The following SORT1 variants were observed in gnomAD, a reference collection of about 807,000 sequenced individuals.
SORT1 encodes the protein sortilin.
A neutral mutation model predicts 101.7 loss-of-function variants in SORT1; 39 were observed. The observed-to-expected ratio is 0.38, with a 90% CI of 0.30 to 0.50. SORT1 has a LOEUF of 0.50. Among genes scored for constraint, SORT1 ranks in the 20% least tolerant of loss-of-function variants. The pLI, the probability that SORT1 is intolerant of heterozygous loss-of-function variation, is 0.90. For missense variants in SORT1, 878 were observed against 1,040.4 expected (o/e 0.84, Z 2.15); for synonymous variants, 396 against 393.7 (o/e 1.01, Z -0.07).
chr1:109,348,707 G>A (rs1467488077), intron 6 of SORT1, among the ~76,000 whole-genome samples: 1 of 152,016 alleles, frequency 6.6e-6, no homozygotes, highest in African/African-American at 2.4e-5. Flanking sequence ...TGCCCAGGCT[G>A]GTCTTGAATT....
rs1255338480 is a variant in SORT1, at chr1:109,309,866, T to C, written c.*4177A>G. ...ATGATCTTAATACTGCTTTACACTTTCGTGGGAAGGCAGCTGTCCCACAGC... is the reference window on the plus strand; with the variant it reads ...ATGATCTTAATACTGCTTTACACTTCCGTGGGAAGGCAGCTGTCCCACAGC... On this transcript the variant is annotated 3_prime_UTR_variant, in exon 20 of 20. Coordinates refer to ENST00000256637, the MANE Select transcript of SORT1 (RefSeq NM_002959.7). 1.3e-5 allele frequency: 2 copies of C among 152,640 alleles called. No individual in the cohort carries two copies. The highest frequency in any genetic ancestry group is 4.8e-5 in the African/African-American group (2 of 41,458). 9.5% of individuals were successfully genotyped at this position (152,640 alleles called of 1,614,324 possible).
rs1156974563 is a variant in SORT1 at position 109,310,574 on chromosome 1, A to G, written c.*3469T>C. On this transcript the variant is annotated 3_prime_UTR_variant, in exon 20 of 20. Coordinates refer to ENST00000256637, the MANE Select transcript of SORT1 (RefSeq NM_002959.7). ...TTCAGGGAAGATGGTAGCAAAGTTG[A>G]AAGCCGAATCCCTTCCTATTTTAGC... The G allele has an allele frequency of 6.5e-6, 1 of 153,810 alleles. No individual in the cohort carries two copies. The highest frequency in any genetic ancestry group is 2.4e-5 in the African/African-American group (1 of 41,462). The allele number at this position is 153,810 out of a possible 1,614,324, so 9.5% of individuals were successfully genotyped here. A position where few individuals can be genotyped will look rare whatever the true frequency, so the allele number is the denominator to read the frequency against.
chr1:109,382,324 T>C (rs1002471559), intron 1 of SORT1, among the ~76,000 whole-genome samples: 4 of 152,046 alleles, frequency 2.6e-5, no homozygotes, highest in African/African-American at 7.2e-5. Context: ...TTAGTAGAGA[T>C]GGGGTTTTAC....
rs761923944 is a variant in SORT1 at position 109,397,876 on chromosome 1, C to G, written c.17G>C (p.Gly6Ala). Residue 6 changes from glycine (G) to alanine (A), a missense_variant, in exon 1 of 20, where the codon GGA becomes GCA. Around this residue, in one of 2 missense-constraint regions of SORT1, gnomAD observed 194 missense variants for 145.9 expected, o/e 1.33. Coordinates refer to ENST00000256637, the MANE Select transcript of SORT1 (RefSeq NM_002959.7). ...CCAGCGCGAGAGGCCGTCCGCAGCT[C>G]CCCAGGGCCGCTCCATCGCCGCCGA... Reference protein sequence around the residue: MERPWGAADGLSRWPH... With the variant: MERPWAAADGLSRWPH... 2.5e-6 allele frequency: 3 copies of G among 1,209,300 alleles called. No individual in the cohort carries two copies. The allele number at this position is 1,209,300 out of a possible 1,614,324, so 74.9% of individuals were successfully genotyped here.
chr1:109,339,787 T>C (rs569101625), intron 10 of SORT1, among the ~76,000 whole-genome samples: 4 of 152,294 alleles, frequency 2.6e-5, no homozygotes, highest in African/African-American at 7.2e-5. Context: ...TGTATAACAA[T>C]GTTCATGGCA....
chr1:109,342,089 C>T lies in SORT1; in HGVS notation c.1033G>A (p.Val345Met), dbSNP rs200451087. ...DTWSMAQLPS[V>M]GQEQFYSILA... is the part of the protein sequence containing the mutation. ...ATAGAATAGAACTGTTCCTGTCCCA[C>T]GGAGGGGAGCTGGGCCATGCTCCAT... The change falls in exon 9 of 20, where the codon GTG becomes ATG. Residue 345 changes from valine (V) to methionine (M), a missense_variant. Transcript: ENST00000256637. The T allele has an allele frequency of 4.3e-6, 7 of 1,613,276 alleles. No individual in the cohort carries two copies. Among genetic ancestry groups the T allele is most frequent in the Admixed American group, 1.7e-5 (1 of 60,024 alleles).
At chr1:109,393,218 G>A (rs1653016163) in intron 1 of SORT1, 7 of 985,254 alleles carry the variant, frequency 7.1e-6, no homozygotes, top group Non-Finnish European at 8.4e-6. Context: ...CCTCTCTACA[G>A]GGCCTGTTTA....
intron 1 of SORT1, chr1:109,397,299 T>A (rs1653238009): frequency 6.5e-6 from 1 of 153,600 alleles, no homozygotes; most frequent in Non-Finnish European, 1.4e-5. Flanking sequence ...GGGTCCTGAT[T>A]ATTTATACAG....
At chr1:109,332,697 T>C (rs1648542820) in intron 11 of SORT1, among the ~76,000 whole-genome samples, 1 of 152,230 alleles carries the variant, frequency 6.6e-6, no homozygotes, top group African/African-American at 2.4e-5. Flanking sequence ...GGTATCATGC[T>C]ACCTAATTTC....
At chr1:109,346,550 C>T (rs1035586051) in intron 7 of SORT1, among the ~76,000 whole-genome samples, 2 of 151,444 alleles carry the variant, frequency 1.3e-5, no homozygotes, top group Admixed American at 1.3e-4. Context: ...TCAAGACCAC[C>T]CTGGCTAACA....
At chr1:109,393,710 T>G (rs1653037614) in intron 1 of SORT1, among the ~76,000 whole-genome samples, 2 of 152,338 alleles carry the variant, frequency 1.3e-5, no homozygotes, top group Middle Eastern at 3.4e-3. Flanking sequence ...CATTTATAAA[T>G]GATAGCTAAT....
intron 18 of SORT1, 60 bp from the exon 19 acceptor site, chr1:109,314,444 G>A (rs995268726): frequency 1.9e-6 from 3 of 1,582,004 alleles, no homozygotes; most frequent in Non-Finnish European, 2.6e-6. Context: ...CTTCTTACAG[G>A]ACTGTGGACT....
At chr1:109,396,317 T>G (rs1653173206) in intron 1 of SORT1, among the ~76,000 whole-genome samples, 1 of 151,880 alleles carries the variant, frequency 6.6e-6, no homozygotes, top group Non-Finnish European at 1.5e-5. Flanking sequence ...AGGAAGGAAG[T>G]GGTCCAGTAT....
chr1:109,338,694 CT>C (rs376423530), intron 10 of SORT1, among the ~76,000 whole-genome samples: 1 of 152,148 alleles, frequency 6.6e-6, no homozygotes, highest in African/African-American at 2.4e-5. Context: ...TTCAAAACAT[CT>C]TTTTTTCTAC....
intron 10 of SORT1, among the ~76,000 whole-genome samples, chr1:109,340,122 C>A (rs1463672323): frequency 7.7e-6 from 1 of 129,560 alleles, no homozygotes; most frequent in Admixed American, 9.8e-5. Flanking sequence ...GCACTCCAGT[C>A]TGGGCAACAG....
chr1:109,386,868 CAGTT>C (rs1430935324), intron 1 of SORT1, among the ~76,000 whole-genome samples: 1 of 152,088 alleles, frequency 6.6e-6, no homozygotes, highest in Admixed American at 6.5e-5. Flanking sequence ...AGCAGCTGCT[CAGTT>C]AAAGAAAGGG....
At chr1:109,362,723 T>C (rs929647589) in intron 3 of SORT1, among the ~76,000 whole-genome samples, 8 of 152,086 alleles carry the variant, frequency 5.3e-5, no homozygotes, top group East Asian at 3.8e-4. Flanking sequence ...CTTACTCTGA[T>C]TGACAACTTT....
At chr1:109,364,301 G>C (rs571944607) in intron 3 of SORT1, among the ~76,000 whole-genome samples, 1 of 152,278 alleles carries the variant, frequency 6.6e-6, no homozygotes, top group Admixed American at 6.5e-5. Flanking sequence ...GGTTTTGATT[G>C]TCTTAAGTTG....
rs776130114 is a variant in SORT1 at position 109,318,005 on chromosome 1, A to G, written c.2025-36T>C. ...CAGCAAATAAAGTACCTTTCAAAGC[A>G]GCTGGAAGACCGTTAAGTGACTAGC... is the stretch of plus-strand genomic sequence containing the variant. On this transcript the variant is annotated intron_variant, in intron 15 of 19. Coordinates refer to ENST00000256637, the MANE Select transcript of SORT1 (RefSeq NM_002959.7). 5.2e-6 allele frequency: 7 copies of G among 1,350,858 alleles called. No individual in the cohort carries two copies. The Admixed American group carries it at 1.2e-4, about 23-fold the overall frequency. 83.7% of individuals were successfully genotyped at this position (1,350,858 alleles called of 1,614,324 possible).
Sources: allele counts gnomAD v4.1 joint callset (sites outside exome capture counted in the v4.1 genomes callset), GRCh38; gene constraint gnomAD v4.1.1; regional missense constraint gnomAD v4.1.1; transcripts MANE v1.5; gene names NCBI Gene and HGNC (gene_info 2026-07-23, HGNC 2026-07-21).